SORCS2: variants seen among roughly 807,000 people sequenced by gnomAD.
SORCS2 encodes VPS10 domain-containing receptor SorCS2.
A neutral mutation model predicts 141.6 loss-of-function variants in SORCS2; 100 were observed. That is an observed-to-expected ratio of 0.71 (90% CI 0.60 to 0.83). The LOEUF is 0.83. Ranked by LOEUF, SORCS2 falls within the 40% of genes least tolerant of loss-of-function variation. The pLI, the probability that SORCS2 is intolerant of heterozygous loss-of-function variation, is 0.00. For synonymous variants in SORCS2, 789 were observed against 676.9 expected, an observed-to-expected ratio of 1.17 and a Z score of -2.57; for missense variants, 1,646 against 1,560.2, an observed-to-expected ratio of 1.05 and a Z score of -0.93.
At chr4:7,211,610 T>C (rs1462322763) in intron 1 of SORCS2, among the ~76,000 whole-genome samples, 2 of 152,156 alleles carry the variant, frequency 1.3e-5, no homozygotes, top group Non-Finnish European at 2.9e-5. Flanking sequence ...TGATCTCAAG[T>C]GATCCCCCTG....
chr4:7,628,631 A>G (rs1719678592), intron 3 of SORCS2, among the ~76,000 whole-genome samples: 1 of 152,014 alleles, frequency 6.6e-6, no homozygotes, highest in Admixed American at 6.5e-5. Flanking sequence ...CTTGGGATCT[A>G]GCAGTGAACA....
intron 1 of SORCS2, among the ~76,000 whole-genome samples, chr4:7,210,661 C>T (rs930802212): frequency 6.6e-6 from 1 of 152,212 alleles, no homozygotes; most frequent in Non-Finnish European, 1.5e-5. Context: ...CTGCTGCTAA[C>T]AGCTGCCTTG....
At chr4:7,341,796 G>T (rs1292820452) in intron 1 of SORCS2, among the ~76,000 whole-genome samples, 1 of 152,160 alleles carries the variant, frequency 6.6e-6, no homozygotes, top group East Asian at 1.9e-4. Context: ...ACCTCAGCCT[G>T]GTCTAAAGCA....
intron 7 of SORCS2, among the ~76,000 whole-genome samples, chr4:7,665,087 G>C (rs759946365): frequency 6.6e-6 from 1 of 152,144 alleles, no homozygotes; most frequent in South Asian, 2.1e-4. Flanking sequence ...CCATCCACTG[G>C]GTTCTGTTCT....
intron 12 of SORCS2, among the ~76,000 whole-genome samples, chr4:7,701,380 G>A (rs1293959591): frequency 1.3e-5 from 2 of 152,154 alleles, no homozygotes; most frequent in East Asian, 3.9e-4. Flanking sequence ...GTGCTTCCTG[G>A]AGAATTCCTA....
chr4:7,219,190 G>C (rs1012959526), intron 1 of SORCS2, among the ~76,000 whole-genome samples: 3 of 151,678 alleles, frequency 2.0e-5, no homozygotes, highest in African/African-American at 7.3e-5. Flanking sequence ...GTGTGTGTCT[G>C]TTCATGTCTA....
chr4:7,739,813 C>G (rs111902628), intron 26 of SORCS2, among the ~76,000 whole-genome samples: 2 of 152,190 alleles, frequency 1.3e-5, no homozygotes, highest in Non-Finnish European at 2.9e-5. Context: ...CTCCCACTCT[C>G]GCCTCCCGGG....
chr4:7,356,667 C>T (rs1177724006), intron 1 of SORCS2, among the ~76,000 whole-genome samples: 2 of 152,198 alleles, frequency 1.3e-5, no homozygotes, highest in Non-Finnish European at 1.5e-5. Context: ...GGATTTGGGT[C>T]GGGGGATGCA....
At chr4:7,353,029 C>T (rs1721039411) in intron 1 of SORCS2, among the ~76,000 whole-genome samples, 1 of 152,112 alleles carries the variant, frequency 6.6e-6, no homozygotes, top group Non-Finnish European at 1.5e-5. Context: ...TGTCTGAGGC[C>T]CTGTCTCCCT....
At chr4:7,724,480 G>GTGATGGTGATGGTGGTGA (rs1726923165) in intron 19 of SORCS2, among the ~76,000 whole-genome samples, 2 of 71,388 alleles carry the variant, frequency 2.8e-5, no homozygotes, top group Non-Finnish European at 6.3e-5. Context: ...GGTGATGGTG[G>GTGATGGTGATGGTGGTGA]TGATGGTGGT....
chr4:7,321,932 T>C (rs2108945703), intron 1 of SORCS2, among the ~76,000 whole-genome samples: 1 of 152,210 alleles, frequency 6.6e-6, no homozygotes, highest in South Asian at 2.1e-4. Flanking sequence ...ATGGGGGAGT[T>C]GGCGTGGCTT....
intron 5 of SORCS2, among the ~76,000 whole-genome samples, chr4:7,658,076 T>C (rs1407876134): frequency 6.8e-6 from 1 of 147,178 alleles, no homozygotes; most frequent in African/African-American, 2.4e-5. Flanking sequence ...AATGAGTGAC[T>C]GAGTGAGTGA....
chr4:7,288,786 T>TG (rs1716406648), intron 1 of SORCS2, among the ~76,000 whole-genome samples: 1 of 24,556 alleles, frequency 4.1e-5, no homozygotes, highest in African/African-American at 1.8e-4. Flanking sequence ...GGAATTCATG[T>TG]GGGGTGGGGG....
chr4:7,694,771 A>G (rs1577082454), intron 11 of SORCS2, among the ~76,000 whole-genome samples: 1 of 151,976 alleles, frequency 6.6e-6, no homozygotes, highest in African/African-American at 2.4e-5. Flanking sequence ...CAGATTCCAC[A>G]CCTGCCCCTC....
chr4:7,439,658 G>A (rs1159007816), intron 2 of SORCS2, among the ~76,000 whole-genome samples: 3 of 152,132 alleles, frequency 2.0e-5, no homozygotes, highest in East Asian at 3.9e-4. Flanking sequence ...GGAGGGAAAG[G>A]ATGTCCTCCG....
At chr4:7,424,187 C>T (rs898218280) in intron 2 of SORCS2, among the ~76,000 whole-genome samples, 14 of 152,134 alleles carry the variant, frequency 9.2e-5, no homozygotes, top group South Asian at 4.1e-4. Context: ...CTTGGCCCAG[C>T]GAGGGGACTC....
In SORCS2 at chr4:7,663,449, A is replaced by G. The variant is rs1457824327; in HGVS notation, c.953-904A>G. Among the ~76,000 whole-genome samples the G allele has an allele frequency of 6.6e-6, 1 of 152,222 alleles. No homozygotes were observed. Among genetic ancestry groups the G allele is most frequent in the African/African-American group, 2.4e-5 (1 of 41,460 alleles). On this transcript the variant is annotated intron_variant, in intron 6 of 26. Transcript: ENST00000507866. This position sits in a 1 kb window ranked among gnomAD's most constrained non-coding sequence, Gnocchi z 4.8. ...CCCACTGCAGGAAGTTCAGTGGTTC[A>G]GTGTTGAGTGCCGGGCACACCAGTC...
intron 3 of SORCS2, among the ~76,000 whole-genome samples, chr4:7,628,529 A>AG (rs1425432867): frequency 6.6e-5 from 10 of 151,900 alleles, no homozygotes; most frequent in Non-Finnish European, 1.3e-4. Context: ...GAAAAAAAAA[A>AG]AAAAGCTAGA....
At chr4:7,468,096 C>G (rs1184201539) in intron 2 of SORCS2, among the ~76,000 whole-genome samples, 1 of 152,238 alleles carries the variant, frequency 6.6e-6, no homozygotes, top group African/African-American at 2.4e-5. Flanking sequence ...TCTCAACTGT[C>G]CCCTGCAAGG....
Sources: gnomAD v4.1 joint callset for allele counts (sites outside exome capture counted in the v4.1 genomes callset) on GRCh38, gnomAD v4.1.1 for gene constraint, Gnocchi (gnomAD v3.1) non-coding constraint, MANE v1.5 for transcripts, NCBI Gene and HGNC (gene_info 2026-07-23, HGNC 2026-07-21) for gene names.